UBR1: variants seen among roughly 807,000 people sequenced by gnomAD.
The protein encoded by UBR1 is ubiquitin protein ligase E3 component n-recognin 1, also known as E3 ubiquitin-protein ligase UBR1.
UBR1 carries 102 observed loss-of-function variants against 242.1 expected under a neutral mutation model. The ratio of observed to expected loss-of-function variants is 0.42; its 90% CI spans 0.36 to 0.50. The LOEUF (loss-of-function observed/expected upper bound fraction) is 0.50. UBR1 is among the 20% of genes least tolerant of loss of function. UBR1 has a pLI of 0.01. For synonymous variants in UBR1, 675 were observed against 684.8 expected, an observed-to-expected ratio of 0.99 and a Z score of 0.22; for missense variants, 1,772 against 2,101.8, an observed-to-expected ratio of 0.84 and a Z score of 3.07.
chr15:43,090,359 T>C (rs1264309641), intron 1 of UBR1, among the ~76,000 whole-genome samples: 2 of 152,212 alleles, frequency 1.3e-5, no homozygotes, highest in African/African-American at 4.8e-5. Flanking sequence ...AATTCATTAC[T>C]CTGCTTATCG....
Position 43,032,623 on chromosome 15 carries a change from A to G in UBR1, c.2199T>C (p.Ile733=), listed in dbSNP as rs770330946. The G allele has an allele frequency of 6.6e-7, 1 of 1,517,804 alleles. No homozygotes were observed. Among genetic ancestry groups the G allele is most frequent in the Non-Finnish European group, 9.1e-7 (1 of 1,099,890 alleles). The allele number at this position is 1,517,804 out of a possible 1,614,324, so 94.0% of individuals were successfully genotyped here. A position where few individuals can be genotyped will look rare whatever the true frequency, so the allele number is the denominator to read the frequency against. ...KTISTKDQDL[I]KQYNTLIEEM... ...CTTCTATTAGTGTATTATATTGTTTAATCAAATCCTATAGAATCGAAAAAG... is the reference window on the plus strand; with the variant it reads ...CTTCTATTAGTGTATTATATTGTTTGATCAAATCCTATAGAATCGAAAAAG... Residue 733 remains isoleucine, a synonymous_variant, in exon 20 of 47, where the codon ATT becomes ATC. Coordinates refer to ENST00000290650, the MANE Select transcript of UBR1 (RefSeq NM_174916.3).
At chr15:42,983,652 C>T (rs1050380994) in intron 37 of UBR1, among the ~76,000 whole-genome samples, 4 of 138,320 alleles carry the variant, frequency 2.9e-5, no homozygotes, top group Admixed American at 1.6e-4. Flanking sequence ...GCAACAACAG[C>T]GAAACTCCCA....
At chr15:42,960,253 T>C (rs1207879113) in intron 43 of UBR1, among the ~76,000 whole-genome samples, 1 of 152,120 alleles carries the variant, frequency 6.6e-6, no homozygotes, top group African/African-American at 2.4e-5. Context: ...AGGATATAGT[T>C]CTATGTATAT....
chr15:43,032,813 A>G (rs890001490), intron 19 of UBR1, among the ~76,000 whole-genome samples, 182 bp from the exon 20 acceptor site: 1 of 152,198 alleles, frequency 6.6e-6, no homozygotes, highest in African/African-American at 2.4e-5. Context: ...ATCAAATTCA[A>G]CAATACCTGG....
Position 42,963,242 on chromosome 15 carries a change from A to G in UBR1, c.4700+693T>C, listed in dbSNP as rs543974337. On this transcript the variant is annotated intron_variant, in intron 42 of 46. Transcript: ENST00000290650. ...AGAAGGGTGGTAGGAGACAGAAGCC[A>G]ACGTTCACACAAATACTGACCTGGG... 2.6e-5 allele frequency among the ~76,000 whole-genome samples: 4 copies of G among 152,312 alleles called. No homozygotes were observed. The South Asian group carries it at 8.3e-4, about 32-fold the overall frequency.
At chr15:43,012,189 T>C (rs2032933481) in intron 29 of UBR1, among the ~76,000 whole-genome samples, 3 of 149,524 alleles carry the variant, frequency 2.0e-5, no homozygotes, top group African/African-American at 2.5e-5. Flanking sequence ...ACCGTGCCAC[T>C]GCACTCCAGC....
chr15:43,092,032 G>A (rs535743392), intron 1 of UBR1: 37 of 454,474 alleles, frequency 8.1e-5, no homozygotes, highest in African/African-American at 5.6e-4. Context: ...GTCAGTGAGC[G>A]GAGATCATGC....
chr15:43,054,618 T>G, intron 12 of UBR1, 124 bp downstream of exon 12: 1 of 1,078,252 alleles, frequency 9.3e-7, no homozygotes, highest in Non-Finnish European at 1.4e-6. Flanking sequence ...CAGTTCTTTG[T>G]ACTTGCCATC....
chr15:43,004,395 C>T (rs533790244), intron 30 of UBR1, among the ~76,000 whole-genome samples: 1 of 152,236 alleles, frequency 6.6e-6, no homozygotes, highest in East Asian at 1.9e-4. Context: ...CTCCCTGTCC[C>T]CGGTCTCCCT....
At chr15:43,038,348 C>G in intron 15 of UBR1, 116 bp from the exon 16 acceptor site, 5 of 960,340 alleles carry the variant, frequency 5.2e-6, no homozygotes, top group African/African-American at 1.6e-5. Context: ...GTGGCTCATG[C>G]CTGTAATCTC....
intron 43 of UBR1, among the ~76,000 whole-genome samples, chr15:42,959,674 A>T (rs780169224): frequency 3.3e-5 from 5 of 152,216 alleles, no homozygotes; most frequent in Non-Finnish European, 7.3e-5. Flanking sequence ...AAAAATATGT[A>T]TTCATATCTT....
chr15:43,067,268 T>A (rs1010255516), intron 6 of UBR1, among the ~76,000 whole-genome samples: 5 of 152,196 alleles, frequency 3.3e-5, no homozygotes, highest in African/African-American at 1.2e-4. Context: ...TAATTTGCGA[T>A]CACATAAGCT....
At chr15:43,094,784 G>A (rs947607887) in intron 1 of UBR1, among the ~76,000 whole-genome samples, 1 of 152,206 alleles carries the variant, frequency 6.6e-6, no homozygotes, top group Non-Finnish European at 1.5e-5. Flanking sequence ...GCCTTGTGCT[G>A]TCTGTAAATA....
At chr15:43,022,668 G>T in intron 26 of UBR1, 34 bp downstream of exon 26, 1 of 1,448,198 alleles carries the variant, frequency 6.9e-7, no homozygotes, top group Non-Finnish European at 9.7e-7. Flanking sequence ...GACTTTCAAT[G>T]ACAAATGTGT....
intron 30 of UBR1, among the ~76,000 whole-genome samples, chr15:43,006,724 T>C (rs1482143085): frequency 6.6e-6 from 1 of 152,158 alleles, no homozygotes; most frequent in Non-Finnish European, 1.5e-5. Flanking sequence ...ATTCAGAATG[T>C]GACACATTAT....
rs763224715 is a variant in UBR1, at chr15:43,029,990, A to G, written c.2333T>C (p.Ile778Thr). The change falls in exon 21 of 47, where the codon ATT becomes ACT. Residue 778 changes from isoleucine to threonine, a missense_variant. Ile to Thr is a moderately conservative substitution (Grantham distance 89). This residue lies in a region of UBR1 where 73 missense variants were observed against 128.9 expected (regional missense o/e 0.57). Transcript: ENST00000290650. ...TMREIIHLLCIEPMPHSAIAK... is the reference protein window; with the variant it reads ...TMREIIHLLCTEPMPHSAIAK... Reference sequence around the variant, plus strand: ...AATGGCACTGTGTGGCATGGGTTCAATGCAAAGCAAGTGAATGATTTCTCT... The same window carrying G: ...AATGGCACTGTGTGGCATGGGTTCAGTGCAAAGCAAGTGAATGATTTCTCT... The G allele has an allele frequency of 9.9e-6, 16 of 1,614,042 alleles. No individual in the cohort carries two copies. Among genetic ancestry groups the G allele is most frequent in the Non-Finnish European group, 1.4e-5 (16 of 1,180,010 alleles).
At chr15:43,015,419 T>G (rs550836672) in intron 29 of UBR1, among the ~76,000 whole-genome samples, 2 of 152,216 alleles carry the variant, frequency 1.3e-5, no homozygotes, top group African/African-American at 4.8e-5. Flanking sequence ...CAAGATGTGC[T>G]TTGTTAAACA....
At position 42,983,932 on chromosome 15, in the gene UBR1, A is replaced by C; in HGVS notation, c.4115T>G (p.Val1372Gly). The change falls in exon 37 of 47, where the codon GTC becomes GGC. Residue 1372 changes from valine (V) to glycine (G), a missense_variant. Transcript: ENST00000290650. ...ACGAACCAGATGTTTCTGTATCAGG[A>C]CCTGAGGACAGGTAATCCTCTGTGC... Reference protein sequence around the residue: ...AVAQRITCPQVLIQKHLVRLL... With the variant: ...AVAQRITCPQGLIQKHLVRLL... 6.2e-7 allele frequency: 1 copy of C among 1,613,294 alleles called. No homozygotes were observed. The highest frequency in any genetic ancestry group is 1.1e-5 in the South Asian group (1 of 91,020).
chr15:43,052,387 C>CA (rs1340627333), intron 12 of UBR1, among the ~76,000 whole-genome samples: 2 of 151,876 alleles, frequency 1.3e-5, no homozygotes, highest in Middle Eastern at 3.2e-3. Context: ...ATAAAAGCTA[C>CA]AAAAAAAGAC....
Sources: allele counts gnomAD v4.1 joint callset (sites outside exome capture counted in the v4.1 genomes callset), GRCh38; gene constraint gnomAD v4.1.1; regional missense constraint gnomAD v4.1.1; transcripts MANE v1.5; gene names NCBI Gene and HGNC (gene_info 2026-07-23, HGNC 2026-07-21).